The following ELOVL6 variants were observed in gnomAD, a reference collection of about 807,000 sequenced individuals.
ELOVL6 encodes the protein ELOVL fatty acid elongase 6, also known as very long chain fatty acid elongase 6.
Under a neutral mutation model 31.7 loss-of-function variants are expected in ELOVL6, and 8 were observed. That is an observed-to-expected ratio of 0.25 (90% CI 0.15 to 0.45). The LOEUF (loss-of-function observed/expected upper bound fraction) is 0.45. Among genes scored for constraint, ELOVL6 ranks in the 20% least tolerant of loss-of-function variants. ELOVL6 has a pLI of 1.00. For missense variants in ELOVL6, 126 were observed against 326.4 expected, an observed-to-expected ratio of 0.39 and a Z score of 4.73; for synonymous variants, 101 against 117.7, an observed-to-expected ratio of 0.86 and a Z score of 0.92.
At chr4:110,088,067 A>G (rs2126237933) in intron 2 of ELOVL6, among the ~76,000 whole-genome samples, 1 of 152,324 alleles carries the variant, frequency 6.6e-6, no homozygotes, top group East Asian at 1.9e-4. Flanking sequence ...TTTTCCTGTA[A>G]AAGAAACAAG....
At chr4:110,156,518 T>C (rs1758420890) in intron 1 of ELOVL6, among the ~76,000 whole-genome samples, 1 of 151,974 alleles carries the variant, frequency 6.6e-6, no homozygotes, top group Non-Finnish European at 1.5e-5. Context: ...AGACCCCGTC[T>C]CCACAAAAAA....
rs551825767 is a variant in ELOVL6 at position 110,192,435 on chromosome 4, G to C, written c.89+5812C>G. Among the ~76,000 whole-genome samples, 3 of 152,164 alleles carry C rather than the reference G, an allele frequency of 2.0e-5. No homozygotes were observed. The South Asian group carries it at 6.2e-4, about 32-fold the overall frequency. ...TTGAAAAGTTTCATTAAGTTCCAAT[G>C]TTATACACTTTGACACATTTAGAAT... On this transcript the variant is annotated intron_variant, in intron 1 of 3. Coordinates refer to ENST00000302274, the MANE Select transcript of ELOVL6 (RefSeq NM_024090.3).
intron 1 of ELOVL6, among the ~76,000 whole-genome samples, chr4:110,127,302 G>T (rs1757528317): frequency 6.7e-6 from 1 of 149,002 alleles, no homozygotes; most frequent in South Asian, 2.1e-4. Flanking sequence ...AGCTAGGCAG[G>T]AAACTGAGGC....
intron 1 of ELOVL6, among the ~76,000 whole-genome samples, chr4:110,177,424 G>A (rs957658422): frequency 6.6e-6 from 1 of 151,936 alleles, no homozygotes; most frequent in Admixed American, 6.6e-5. Context: ...CTGACAGAGT[G>A]AAACATTGTT....
intron 1 of ELOVL6, among the ~76,000 whole-genome samples, chr4:110,174,895 A>G (rs921817571): frequency 6.6e-6 from 1 of 152,218 alleles, no homozygotes; most frequent in African/African-American, 2.4e-5. Flanking sequence ...CAATTAACTC[A>G]TAGGATACTT....
At chr4:110,106,700 G>A (rs763171375) in intron 1 of ELOVL6, among the ~76,000 whole-genome samples, 4 of 152,216 alleles carry the variant, frequency 2.6e-5, no homozygotes, top group East Asian at 1.9e-4. Flanking sequence ...TTTGTGACCC[G>A]TATCTTGTGC....
At chr4:110,135,641 C>T (rs892301812) in intron 1 of ELOVL6, among the ~76,000 whole-genome samples, 3 of 152,128 alleles carry the variant, frequency 2.0e-5, no homozygotes, top group East Asian at 1.9e-4. Context: ...AATCAGCAGA[C>T]GAACTGCAAG....
At chr4:110,135,631 A>C (rs1757789994) in intron 1 of ELOVL6, among the ~76,000 whole-genome samples, 1 of 152,204 alleles carries the variant, frequency 6.6e-6, no homozygotes. Context: ...GTAAGAAGCC[A>C]ATCAGCAGAC....
chr4:110,127,834 T>C (rs534385041), intron 1 of ELOVL6, among the ~76,000 whole-genome samples: 13 of 152,086 alleles, frequency 8.5e-5, no homozygotes, highest in South Asian at 2.1e-4. Flanking sequence ...TGAGAATAGT[T>C]AACAAAACAG....
At chr4:110,117,385 A>G (rs375534252) in intron 1 of ELOVL6, among the ~76,000 whole-genome samples, 5 of 152,236 alleles carry the variant, frequency 3.3e-5, no homozygotes, top group African/African-American at 9.6e-5. Flanking sequence ...AGACACACTC[A>G]GGCTGAATTG....
Position 110,158,749 on chromosome 4 carries a change from C to A in ELOVL6, c.89+39498G>T, listed in dbSNP as rs183867072. Among the ~76,000 whole-genome samples the A allele has an allele frequency of 5.2e-3, 775 of 148,940 alleles. 4 individuals carry two copies. Among genetic ancestry groups the A allele is most frequent in the Middle Eastern group, 0.029 (8 of 278 alleles). On this transcript the variant is annotated intron_variant, in intron 1 of 3. Transcript: ENST00000302274. ...AATCTCAGCTCACTGCAACCTTCAC[C>A]TCCCAAGTTCAAGGGATTCTCCTGC... is the stretch of plus-strand genomic sequence containing the variant.
chr4:110,082,052 TCA>T lies in ELOVL6; in HGVS notation c.222-22300_222-22299del, dbSNP rs1032814940. On this transcript the variant is annotated intron_variant, in intron 2 of 3. Coordinates refer to ENST00000302274, the MANE Select transcript of ELOVL6 (RefSeq NM_024090.3). ...ATCAAAACCACAATGAGATACCGTCTCACACCAGTTAGAATGGCAATCATTAA... is the reference window on the plus strand; with the variant it reads ...ATCAAAACCACAATGAGATACCGTCTCACCAGTTAGAATGGCAATCATTAA... Among the ~76,000 whole-genome samples, 181 of 146,556 alleles carry T rather than the reference TCA, an allele frequency of 1.2e-3. 4 individuals are homozygous for T. Among genetic ancestry groups the T allele is most frequent in the African/African-American group, 4.4e-3 (174 of 39,668 alleles).
intron 2 of ELOVL6, among the ~76,000 whole-genome samples, chr4:110,078,495 C>A (rs1364195428): frequency 6.6e-6 from 1 of 152,134 alleles, no homozygotes; most frequent in Non-Finnish European, 1.5e-5. Context: ...AACTAAGCTT[C>A]ATAAGTGAAG....
chr4:110,154,231 C>A (rs2126266551), intron 1 of ELOVL6, among the ~76,000 whole-genome samples: 1 of 152,114 alleles, frequency 6.6e-6, no homozygotes, highest in Non-Finnish European at 1.5e-5. Flanking sequence ...TGTGTGACAC[C>A]ACACCCAGCT....
At chr4:110,080,146 G>A (rs545030191) in intron 2 of ELOVL6, among the ~76,000 whole-genome samples, 11 of 152,072 alleles carry the variant, frequency 7.2e-5, no homozygotes, top group Non-Finnish European at 1.5e-4. Context: ...ATTCACAGCC[G>A]AATTCTACCA....
At chr4:110,094,056 C>A (rs1179648232) in intron 2 of ELOVL6, among the ~76,000 whole-genome samples, 3 of 151,870 alleles carry the variant, frequency 2.0e-5, no homozygotes, top group African/African-American at 7.3e-5. Context: ...TTGAGACCAG[C>A]CTGGCCGACA....
intron 1 of ELOVL6, among the ~76,000 whole-genome samples, chr4:110,158,657 ATTTT>A (rs1184682018): frequency 7.6e-4 from 56 of 74,140 alleles, no homozygotes; most frequent in Admixed American, 2.4e-3. Flanking sequence ...ATATATATAT[ATTTT>A]TTTTTTTTTT....
Position 110,155,914 on chromosome 4 carries a change from C to A in ELOVL6, c.89+42333G>T, listed in dbSNP as rs7694430. On this transcript the variant is annotated intron_variant, in intron 1 of 3. Coordinates refer to ENST00000302274, the MANE Select transcript of ELOVL6 (RefSeq NM_024090.3). ...CGGGAAGCACAGCTCATGTTGAGAA[C>A]CACTGCCCTGAATAATGAGCGTTGC... Among the ~76,000 whole-genome samples, 561 of 152,312 alleles carry A rather than the reference C, an allele frequency of 3.7e-3. 4 individuals carry two copies. The Middle Eastern group carries it at 0.048, about 13-fold the overall frequency.
intron 2 of ELOVL6, among the ~76,000 whole-genome samples, chr4:110,099,520 G>A (rs1337503672): frequency 6.6e-6 from 1 of 152,144 alleles, no homozygotes; most frequent in Admixed American, 6.6e-5. Context: ...AAACAATTGA[G>A]GCCAGAGTAA....
Sources: gnomAD v4.1 joint callset for allele counts (sites outside exome capture counted in the v4.1 genomes callset) on GRCh38, gnomAD v4.1.1 for gene constraint, MANE v1.5 for transcripts, NCBI Gene and HGNC (gene_info 2026-07-23, HGNC 2026-07-21) for gene names.